FMN1: variants seen among roughly 807,000 people sequenced by gnomAD.
FMN1 encodes the protein formin 1.
Under a neutral mutation model 132.4 loss-of-function variants are expected in FMN1, and 110 were observed. That is an observed-to-expected ratio of 0.83 (90% CI 0.71 to 0.97). FMN1 has a LOEUF of 0.97. FMN1 is among the 50% of genes least tolerant of loss of function. The pLI, the probability that FMN1 is intolerant of heterozygous loss-of-function variation, is 0.00. For missense variants in FMN1, 1,792 were observed against 1,705.3 expected, an observed-to-expected ratio of 1.05 and a Z score of -0.90; for synonymous variants, 722 against 651.7, an observed-to-expected ratio of 1.11 and a Z score of -1.64.
intron 16 of FMN1, among the ~76,000 whole-genome samples, chr15:32,867,509 G>GTT (rs35209952): frequency 0.027 from 3,949 of 147,376 alleles, 171 homozygotes; most frequent in African/African-American, 0.092. Context: ...GTCTCATCAG[G>GTT]TTTTTTTTTT....
At chr15:32,998,952 T>G (rs950797659) in intron 7 of FMN1, among the ~76,000 whole-genome samples, 3 of 152,200 alleles carry the variant, frequency 2.0e-5, no homozygotes, top group Admixed American at 2.0e-4. Flanking sequence ...CAAGTCCAAA[T>G]GTACCTACCG....
chr15:32,877,737 C>T (rs2141415804), intron 16 of FMN1, among the ~76,000 whole-genome samples: 1 of 152,288 alleles, frequency 6.6e-6, no homozygotes, highest in South Asian at 2.1e-4. Flanking sequence ...GCTTTAAAAT[C>T]TGTCCCTCTA....
intron 3 of FMN1, among the ~76,000 whole-genome samples, chr15:33,173,895 C>T (rs113587909): frequency 2.0e-5 from 3 of 152,144 alleles, no homozygotes; most frequent in African/African-American, 7.2e-5. Flanking sequence ...CGCCACTGCA[C>T]TCCAGCCTGG....
chr15:33,067,982 A>G, intron 5 of FMN1: 1 of 1,485,928 alleles, frequency 6.7e-7, no homozygotes, highest in Non-Finnish European at 8.9e-7. Context: ...CAGGACAGAG[A>G]GCAACAGGAC....
chr15:32,896,173 G>C (rs1206518954), intron 15 of FMN1, among the ~76,000 whole-genome samples: 4 of 151,776 alleles, frequency 2.6e-5, no homozygotes, highest in Non-Finnish European at 5.9e-5. Context: ...ATCCATTTCT[G>C]AGATTTCCTT....
At chr15:32,870,252 T>C (rs563867824) in intron 16 of FMN1, among the ~76,000 whole-genome samples, 245 of 152,278 alleles carry the variant, frequency 1.6e-3, no homozygotes, top group Non-Finnish European at 2.7e-3. Context: ...TACAAGAAGA[T>C]ATTCTCTAGG....
chr15:32,952,575 G>A (rs2061677560), intron 9 of FMN1, among the ~76,000 whole-genome samples: 1 of 152,138 alleles, frequency 6.6e-6, no homozygotes, highest in South Asian at 2.1e-4. Flanking sequence ...TTAAAGCTGG[G>A]TTTTGTGCAT....
intron 5 of FMN1, chr15:33,067,463 A>T (rs572616024): frequency 6.2e-7 from 1 of 1,614,040 alleles, no homozygotes; most frequent in Non-Finnish European, 8.5e-7. Context: ...GGTGTGCACC[A>T]GGGTCCCACG....
At chr15:32,869,101 G>A (rs567507808) in intron 16 of FMN1, among the ~76,000 whole-genome samples, 1 of 152,296 alleles carries the variant, frequency 6.6e-6, no homozygotes, top group South Asian at 2.1e-4. Context: ...AAGGTGAAAT[G>A]TCATGAATAA....
Position 33,153,462 on chromosome 15 carries a change from G to A in FMN1, c.1453C>T (p.Pro485Ser), listed in dbSNP as rs999744860. Residue 485 changes from proline to serine, a missense_variant, in exon 4 of 21, where the codon CCC becomes TCC. Physicochemically the swap from Pro to Ser is moderately conservative, Grantham distance 74 (BLOSUM62 -1). Transcript: ENST00000616417. ...GATGGCTTCTTCTTATCACCTCTGG[G>A]TTGTGAGGAGTCAGGACCTACTTTG... ...PHKVGPDSSQPRGDKKKPSPP... is the reference protein window; with the variant it reads ...PHKVGPDSSQSRGDKKKPSPP... 2.6e-6 allele frequency: 4 copies of A among 1,536,604 alleles called. No individual in the cohort carries two copies. Among genetic ancestry groups the A allele is most frequent in the Admixed American group, 2.0e-5 (1 of 50,984 alleles).
intron 17 of FMN1, among the ~76,000 whole-genome samples, chr15:32,807,728 T>A (rs1402952662): frequency 6.6e-6 from 1 of 152,068 alleles, no homozygotes; most frequent in Non-Finnish European, 1.5e-5. Context: ...AGAAACAGAG[T>A]CTAAATGTAA....
chr15:32,775,925 A>G (rs185137650), intron 20 of FMN1, among the ~76,000 whole-genome samples: 13 of 152,316 alleles, frequency 8.5e-5, no homozygotes, highest in Middle Eastern at 3.4e-3. Flanking sequence ...GAGGAGGGTG[A>G]TACTTCCACT....
intron 17 of FMN1, among the ~76,000 whole-genome samples, chr15:32,816,157 G>A (rs970794673): frequency 6.6e-6 from 1 of 152,090 alleles, no homozygotes. Context: ...ACTTCTCTGG[G>A]GAATTTCAGC....
chr15:32,828,079 G>A (rs2058414326), intron 17 of FMN1, among the ~76,000 whole-genome samples: 1 of 152,188 alleles, frequency 6.6e-6, no homozygotes, highest in South Asian at 2.1e-4. Flanking sequence ...GATCACTTGA[G>A]GTTGGGAGTT....
chr15:32,799,972 G>GTT (rs538272013), intron 18 of FMN1, among the ~76,000 whole-genome samples: 1 of 149,228 alleles, frequency 6.7e-6, no homozygotes, highest in South Asian at 2.1e-4. Context: ...AGACACAGTG[G>GTT]TTTTTTTTTT....
intron 16 of FMN1, among the ~76,000 whole-genome samples, chr15:32,882,626 A>T (rs1408546885): frequency 6.6e-6 from 1 of 152,204 alleles, no homozygotes; most frequent in Non-Finnish European, 1.5e-5. Flanking sequence ...TAGATTCTCT[A>T]CAGACATGCC....
At chr15:33,081,778 C>A (rs1035388120) in intron 5 of FMN1, among the ~76,000 whole-genome samples, 22 of 152,172 alleles carry the variant, frequency 1.4e-4, no homozygotes, top group African/African-American at 4.6e-4. Flanking sequence ...CCTCTAAGGG[C>A]AGGGTCTGGC....
At chr15:33,003,552 C>G (rs2034236695) in intron 7 of FMN1, among the ~76,000 whole-genome samples, 1 of 152,120 alleles carries the variant, frequency 6.6e-6, no homozygotes, top group South Asian at 2.1e-4. Context: ...AAAGAGGATA[C>G]AAACAAATGG....
At chr15:32,847,499 G>A (rs2058885994) in intron 17 of FMN1, among the ~76,000 whole-genome samples, 1 of 152,002 alleles carries the variant, frequency 6.6e-6, no homozygotes, top group Non-Finnish European at 1.5e-5. Context: ...TTGGGAGGCT[G>A]GGGTGGGTGG....
Sources: allele counts gnomAD v4.1 joint callset (sites outside exome capture counted in the v4.1 genomes callset), GRCh38; gene constraint gnomAD v4.1.1; transcripts MANE v1.5; gene names NCBI Gene and HGNC (gene_info 2026-07-23, HGNC 2026-07-21).